Variants in CDKL1 observed in about 807,000 individuals in gnomAD.
CDKL1 encodes cyclin-dependent kinase-like 1.
A neutral mutation model predicts 42.0 loss-of-function variants in CDKL1; 41 were observed. The observed-to-expected ratio is 0.98, with a 90% confidence interval of 0.76 to 1.27. The LOEUF (loss-of-function observed/expected upper bound fraction) is 1.27, where lower values mean the gene tolerates loss of function less well. Ranked by LOEUF, CDKL1 falls within the 50% of genes most tolerant of loss-of-function variation. The pLI is 0.00. For synonymous variants in CDKL1, 153 were observed against 158.6 expected (o/e 0.96, Z 0.26); for missense variants, 394 against 428.4 (o/e 0.92, Z 0.71).
At chr14:50,369,329 C>T (rs76024044) in intron 2 of CDKL1, among the ~76,000 whole-genome samples, 2,071 of 152,060 alleles carry the variant, frequency 0.014, 47 homozygotes, top group African/African-American at 0.047. Context: ...TTTAGGTCAC[C>T]GCAGTCACCC....
intron 8 of CDKL1, 112 bp from the exon 9 acceptor site, chr14:50,332,544 A>G: frequency 6.7e-7 from 1 of 1,490,818 alleles, no homozygotes; most frequent in Non-Finnish European, 8.9e-7. Context: ...AGAAGGGGGA[A>G]AAGGCAGGAA....
rs556426007 is a variant in CDKL1, at chr14:50,356,440, C to T, written c.290+2588G>A. Among the ~76,000 whole-genome samples, 10 of 152,104 alleles carry T rather than the reference C, an allele frequency of 6.6e-5. No homozygotes were observed. The South Asian group carries it at 1.9e-3, about 28-fold the overall frequency. ...GTCTCTAAATTAAAAAGTTTTCATA[C>T]GATGATAGACTGGAAAAAGAAAATG... On this transcript the variant is annotated intron_variant, in intron 3 of 9. Transcript: ENST00000395834.
intron 2 of CDKL1, among the ~76,000 whole-genome samples, chr14:50,390,781 C>T (rs2035234598): frequency 6.6e-6 from 1 of 152,230 alleles, no homozygotes; most frequent in Non-Finnish European, 1.5e-5. Flanking sequence ...CAGACCACTG[C>T]CCACTTTCCA....
chr14:50,348,013 C>T (rs1216633647), intron 3 of CDKL1, among the ~76,000 whole-genome samples: 5 of 152,166 alleles, frequency 3.3e-5, no homozygotes, highest in African/African-American at 9.7e-5. Context: ...TTTGTTCCCT[C>T]CTGAAACCTG....
At chr14:50,362,636 G>C (rs192919738) in intron 2 of CDKL1, among the ~76,000 whole-genome samples, 122 of 152,188 alleles carry the variant, frequency 8.0e-4, no homozygotes, top group African/African-American at 2.9e-3. Context: ...TCTGTATCTA[G>C]CTACTCTGGT....
At position 50,381,769 on chromosome 14, in the gene CDKL1, T is replaced by C. The variant is rs547709895; in HGVS notation, c.168+13932A>G. Among the ~76,000 whole-genome samples, 40 of 151,970 alleles carry C rather than the reference T, an allele frequency of 2.6e-4. 1 individual carries two copies. The highest frequency in any genetic ancestry group is 2.3e-3 in the Admixed American group (35 of 15,242). On this transcript the variant is annotated intron_variant, in intron 2 of 9. Coordinates refer to ENST00000395834, the MANE Select transcript of CDKL1 (RefSeq NM_004196.7). ...CTGTGTGGTTTTTTGTTTGTTTGTT[T>C]GTTTGTTTGTTTGTTTGTTTAGATA... is the stretch of plus-strand genomic sequence containing the variant.
intron 5 of CDKL1, among the ~76,000 whole-genome samples, chr14:50,341,728 C>CTGTGACTG (rs1238732468): frequency 1.3e-5 from 2 of 149,862 alleles, no homozygotes; most frequent in Admixed American, 1.3e-4. Context: ...CTGTGGTGGG[C>CTGTGACTG]TGTGACTGTG....
At chr14:50,348,231 G>A (rs2033790503) in intron 3 of CDKL1, among the ~76,000 whole-genome samples, 1 of 152,184 alleles carries the variant, frequency 6.6e-6, no homozygotes, top group African/African-American at 2.4e-5. Flanking sequence ...CAAAAGGCTC[G>A]GGAAGTAGCA....
intron 4 of CDKL1, chr14:50,342,453 G>C (rs751341177): frequency 7.7e-7 from 1 of 1,305,818 alleles, no homozygotes; most frequent in South Asian, 2.2e-5. Context: ...AAAGGAAAAT[G>C]AAAGTAGGGT....
chr14:50,332,350 A>G lies in CDKL1; in HGVS notation c.878T>C (p.Ile293Thr). Reference sequence around the variant, plus strand: ...GTTGTGTTCTTTTGCCAAATCCTCTATTTCTCTGATGTTTTCAAAATATGG... The same window carrying G: ...GTTGTGTTCTTTTGCCAAATCCTCTGTTTCTCTGATGTTTTCAAAATATGG... ...HHPYFENIRE[I>T]EDLAKEHNKP... Residue 293 changes from isoleucine (I) to threonine (T), a missense_variant, in exon 9 of 10, where the codon ATA (isoleucine) becomes ACA (threonine). By Grantham distance (89) the Ile-to-Thr change is moderately conservative. Coordinates refer to ENST00000395834, the MANE Select transcript of CDKL1 (RefSeq NM_004196.7). The G allele has an allele frequency of 3.1e-6, 5 of 1,613,956 alleles. No individual in the cohort carries two copies. Among genetic ancestry groups the G allele is most frequent in the South Asian group, 1.1e-5 (1 of 91,080 alleles).
rs1481444970 is a variant in CDKL1, at chr14:50,390,046, G to A, written c.168+5655C>T. 25 of 678,676 alleles carry A rather than the reference G, an allele frequency of 3.7e-5. 2 individuals are homozygous for A. Among genetic ancestry groups the A allele is most frequent in the South Asian group, 3.2e-4 (24 of 74,274 alleles). 42.0% of individuals were successfully genotyped at this position (678,676 alleles called of 1,614,324 possible). A position where few individuals can be genotyped will look rare whatever the true frequency, so the allele number is the denominator to read the frequency against. On this transcript the variant is annotated intron_variant, in intron 2 of 9. Transcript: ENST00000395834. ...AGTGTAACGATATCTACCTTCTAAG[G>A]TTGTTATTAGTGTAATTTGTGCATC...
chr14:50,350,139 G>A (rs1375642321), intron 3 of CDKL1, among the ~76,000 whole-genome samples: 1 of 152,140 alleles, frequency 6.6e-6, no homozygotes, highest in Non-Finnish European at 1.5e-5. Flanking sequence ...ATGAACTCCT[G>A]GGTTCAAGTG....
rs906260083 is a variant in CDKL1, at chr14:50,344,251, C to G, written c.363+735G>C. ...TTCGAGACTCGACACTCATATCTCA[C>G]CAAAGCAGACACTGGCACTTTGCAC... On this transcript the variant is annotated intron_variant, in intron 4 of 9. Coordinates refer to ENST00000395834, the MANE Select transcript of CDKL1 (RefSeq NM_004196.7). Among the ~76,000 whole-genome samples, 3 of 152,266 alleles carry G rather than the reference C, an allele frequency of 2.0e-5. No individual in the cohort carries two copies. The East Asian group carries it at 5.8e-4, about 29-fold the overall frequency.
At chr14:50,336,093 GTC>G (rs2033256340) in intron 7 of CDKL1, 1 of 1,366,230 alleles carries the variant, frequency 7.3e-7, no homozygotes, top group Admixed American at 1.9e-5. Context: ...GAGCTCTGCT[GTC>G]TCAGCAACAA....
chr14:50,362,928 A>T (rs1054384268), intron 2 of CDKL1: 1 of 459,128 alleles, frequency 2.2e-6, no homozygotes, highest in African/African-American at 2.0e-5. Context: ...TTGTTCTTTC[A>T]CTCTTTGCAA....
chr14:50,330,234 C>T, intron 9 of CDKL1, 53 bp from the exon 10 acceptor site: 3 of 1,569,764 alleles, frequency 1.9e-6, no homozygotes, highest in Middle Eastern at 3.3e-4. Context: ...GCATTTTTTT[C>T]ATTATTTAGA....
At chr14:50,346,651 G>GTTTTTTTTTTTTTTTTTTTTTTTT (rs375954757) in intron 3 of CDKL1, among the ~76,000 whole-genome samples, 1 of 123,636 alleles carries the variant, frequency 8.1e-6, no homozygotes. Context: ...TTAAATTTTT[G>GTTTTTTTTTTTTTTTTTTTTTTTT]GTTTTTTTTT....
At chr14:50,353,419 C>T (rs2033961230) in intron 3 of CDKL1, among the ~76,000 whole-genome samples, 1 of 152,162 alleles carries the variant, frequency 6.6e-6, no homozygotes, top group Non-Finnish European at 1.5e-5. Flanking sequence ...TGACACAGAT[C>T]ATCAAACAGT....
intron 4 of CDKL1, 52 bp downstream of exon 4, chr14:50,344,928 GCTCCAC>G: frequency 7.3e-7 from 1 of 1,368,434 alleles, no homozygotes; most frequent in South Asian, 1.2e-5. Flanking sequence ...TTTGTACAAG[GCTCCAC>G]CTCAGCTTAA....
Sources: allele counts gnomAD v4.1 joint callset (sites outside exome capture counted in the v4.1 genomes callset), GRCh38; gene constraint gnomAD v4.1.1; transcripts MANE v1.5; gene names NCBI Gene and HGNC (gene_info 2026-07-23, HGNC 2026-07-21).